Variants in CPE observed in about 807,000 individuals in gnomAD.
The protein encoded by CPE is carbocypeptidase E.
A neutral mutation model predicts 53.5 loss-of-function variants in CPE; 17 were observed. The ratio of observed to expected loss-of-function variants is 0.32; its 90% CI spans 0.22 to 0.48. The LOEUF is 0.48. CPE is among the 20% of genes least tolerant of loss of function. The probability of loss-of-function intolerance (pLI) is 0.99; values close to 1 mark genes in which losing one functional copy is unlikely to be tolerated. For synonymous variants in CPE, 226 were observed against 228.8 expected, an observed-to-expected ratio of 0.99 and a Z score of 0.11; for missense variants, 524 against 614.7, an observed-to-expected ratio of 0.85 and a Z score of 1.56.
intron 1 of CPE, chr4:165,404,500 C>G (rs1730921806): frequency 1.2e-6 from 1 of 801,902 alleles, no homozygotes; most frequent in African/African-American, 1.7e-5. Context: ...CCATCTATGT[C>G]AGTAGTTCTG....
rs1730481085 is a variant in CPE, at chr4:165,379,972, A to T, written c.307+444A>T. Among the ~76,000 whole-genome samples, 1 of 152,254 alleles carries T rather than the reference A, an allele frequency of 6.6e-6. No homozygotes were observed. Among genetic ancestry groups the T allele is most frequent in the South Asian group, 2.1e-4 (1 of 4,838 alleles). The stretch of plus-strand genomic sequence containing the variant: ...GTCTTCCTTGCTGACAAGAGTAGAA[A>T]GATAAGGTGCAGAAGGCAGTGATTG... On this transcript the variant is annotated intron_variant, in intron 1 of 8. Transcript: ENST00000402744. This position sits in a 1 kb window ranked among gnomAD's most constrained non-coding sequence, Gnocchi z 6.0.
intron 3 of CPE, among the ~76,000 whole-genome samples, chr4:165,478,953 C>A (rs1732352908): frequency 6.6e-6 from 1 of 152,192 alleles, no homozygotes; most frequent in African/African-American, 2.4e-5. Flanking sequence ...TTCCTGAAGT[C>A]CTCAATGATT....
intron 1 of CPE, among the ~76,000 whole-genome samples, chr4:165,429,820 G>T (rs1731379805): frequency 6.6e-6 from 1 of 151,858 alleles, no homozygotes; most frequent in African/African-American, 2.4e-5. Context: ...CTGATTATAA[G>T]AAATTATGTC....
At chr4:165,496,226 G>A (rs1025247600) in intron 8 of CPE, among the ~76,000 whole-genome samples, 2 of 152,046 alleles carry the variant, frequency 1.3e-5, no homozygotes, top group Admixed American at 1.3e-4. Flanking sequence ...TATATGCCTG[G>A]GACCGTGGGA....
intron 1 of CPE, among the ~76,000 whole-genome samples, chr4:165,401,239 G>A (rs538272495): frequency 9.2e-5 from 14 of 152,154 alleles, no homozygotes; most frequent in South Asian, 6.2e-4. Context: ...TCTTCTCTTC[G>A]TTACACGCCT....
At chr4:165,481,283 T>C (rs1732407257) in intron 3 of CPE, among the ~76,000 whole-genome samples, 1 of 152,186 alleles carries the variant, frequency 6.6e-6, no homozygotes, top group African/African-American at 2.4e-5. Flanking sequence ...TGGGTATGAA[T>C]ATCTTTGCAT....
chr4:165,448,896 G>A (rs1481638287), intron 1 of CPE, among the ~76,000 whole-genome samples: 2 of 152,194 alleles, frequency 1.3e-5, no homozygotes, highest in Non-Finnish European at 2.9e-5. Flanking sequence ...GTGCTACATC[G>A]TGGGTTGCTG....
At position 165,464,490 on chromosome 4, in the gene CPE, G is replaced by A. The variant is rs1386710724; in HGVS notation, c.408G>A (p.Gln136=). The A allele has an allele frequency of 6.2e-7, 1 of 1,613,904 alleles. No individual in the cohort carries two copies. The highest frequency in any genetic ancestry group is 8.5e-7 in the Non-Finnish European group (1 of 1,179,966). The part of the protein sequence containing the change: ...FLAQYLCNEY[Q]KGNETIVNLI... ...CCCAGTACCTATGCAACGAATACCA[G>A]AAGGGGAACGAGACAATTGTCAACC... The change falls in exon 2 of 9, where the codon CAG becomes CAA. Residue 136 remains glutamine, a synonymous_variant. Coordinates refer to ENST00000402744, the MANE Select transcript of CPE (RefSeq NM_001873.4).
At chr4:165,408,739 T>C (rs751933745) in intron 1 of CPE, among the ~76,000 whole-genome samples, 10 of 152,196 alleles carry the variant, frequency 6.6e-5, no homozygotes, top group Non-Finnish European at 1.0e-4. Flanking sequence ...TCCCAGGGAT[T>C]CTGATGCCAC....
intron 3 of CPE, among the ~76,000 whole-genome samples, chr4:165,478,652 C>A (rs760507138): frequency 6.6e-6 from 1 of 152,248 alleles, no homozygotes; most frequent in Admixed American, 6.5e-5. Context: ...CATTTTGATA[C>A]GTACCTTTCA....
intron 1 of CPE, among the ~76,000 whole-genome samples, chr4:165,382,680 G>C (rs924430420): frequency 6.6e-6 from 1 of 152,186 alleles, no homozygotes; most frequent in Non-Finnish European, 1.5e-5. Flanking sequence ...AAGCAAGCTA[G>C]AGGTTTACTT....
chr4:165,416,678 G>A (rs558966474), intron 1 of CPE, among the ~76,000 whole-genome samples: 10 of 151,784 alleles, frequency 6.6e-5, no homozygotes, highest in African/African-American at 2.4e-4. Context: ...TTCACAGTAG[G>A]GGTTCCGCCT....
intron 1 of CPE, among the ~76,000 whole-genome samples, chr4:165,444,963 T>A (rs906900857): frequency 4.6e-5 from 7 of 151,610 alleles, no homozygotes; most frequent in East Asian, 3.9e-4. Flanking sequence ...TTTATTTTTT[T>A]AAATTTTTTT....
chr4:165,404,987 C>G, intron 1 of CPE: 1 of 752,384 alleles, frequency 1.3e-6, no homozygotes, highest in Non-Finnish European at 2.5e-6. Context: ...CTTTAGCACT[C>G]TGTGCTTAAA....
At chr4:165,419,009 C>T (rs10033089) in intron 1 of CPE, among the ~76,000 whole-genome samples, 1 of 151,942 alleles carries the variant, frequency 6.6e-6, no homozygotes, top group Admixed American at 6.5e-5. Flanking sequence ...TCTGTGCTTA[C>T]ATTTTAATTC....
intron 1 of CPE, among the ~76,000 whole-genome samples, chr4:165,440,920 C>G (rs1731599575): frequency 6.6e-6 from 1 of 152,054 alleles, no homozygotes; most frequent in Non-Finnish European, 1.5e-5. Context: ...CTTAAAAATT[C>G]AGCTCTGACA....
intron 1 of CPE, among the ~76,000 whole-genome samples, chr4:165,444,849 A>T (rs1237754916): frequency 6.6e-6 from 1 of 152,236 alleles, no homozygotes; most frequent in Non-Finnish European, 1.5e-5. Context: ...AGTCATTGCA[A>T]GTCGGATAGC....
chr4:165,396,415 T>C (rs1730767096), intron 1 of CPE, among the ~76,000 whole-genome samples: 2 of 152,274 alleles, frequency 1.3e-5, no homozygotes, highest in Non-Finnish European at 2.9e-5. Context: ...CCCAGCACTT[T>C]AGGAGGCCAA....
chr4:165,463,033 C>T (rs542386023), intron 1 of CPE, among the ~76,000 whole-genome samples: 6 of 152,238 alleles, frequency 3.9e-5, no homozygotes, highest in East Asian at 3.9e-4. Flanking sequence ...GAAGCAGAAA[C>T]GAGCAGAACA....
Sources: gnomAD v4.1 joint callset for allele counts (sites outside exome capture counted in the v4.1 genomes callset) on GRCh38, gnomAD v4.1.1 for gene constraint, Gnocchi (gnomAD v3.1) non-coding constraint, MANE v1.5 for transcripts, NCBI Gene and HGNC (gene_info 2026-07-23, HGNC 2026-07-21) for gene names.